Variants in ITPR2 observed in about 807,000 individuals in gnomAD.
The protein encoded by ITPR2 is inositol 1,4,5-trisphosphate-gated calcium channel ITPR2.
In ITPR2, 207 loss-of-function variants were observed where a neutral mutation model predicts 317.1. The observed-to-expected ratio is 0.65, with a 90% CI of 0.58 to 0.73. The LOEUF is 0.73. Ranked by LOEUF, ITPR2 falls within the 30% of genes least tolerant of loss-of-function variation. ITPR2 has a pLI of 0.00. For missense variants in ITPR2, 2,613 were observed against 3,284.0 expected (o/e 0.80, Z 4.99); for synonymous variants, 1,156 against 1,149.1 (o/e 1.01, Z -0.12).
chr12:26,744,642 T>G (rs1027800421), intron 2 of ITPR2, among the ~76,000 whole-genome samples: 1 of 152,248 alleles, frequency 6.6e-6, no homozygotes, highest in Non-Finnish European at 1.5e-5. Context: ...GTTATATTAA[T>G]TCCTGAATAT....
chr12:26,416,948 T>C (rs1288987469), intron 50 of ITPR2, among the ~76,000 whole-genome samples: 1 of 152,144 alleles, frequency 6.6e-6, no homozygotes, highest in Non-Finnish European at 1.5e-5. Flanking sequence ...AAAATGCATA[T>C]GCCTGGGTTC....
Position 26,436,191 on chromosome 12 carries a change from T to C in ITPR2, c.6769+30A>G, listed in dbSNP as rs757374368. ...ATAGTTAAGTGGGAACTTTAAAATA[T>C]TTATATTTTAAGGAAAAACGAGCAC... is the stretch of plus-strand genomic sequence containing the variant. On this transcript the variant is annotated intron_variant, in intron 48 of 56. Transcript: ENST00000381340. 2.0e-6 allele frequency: 3 copies of C among 1,508,518 alleles called. No homozygotes were observed. The African/African-American group carries it at 4.3e-5, about 21-fold the overall frequency. The allele number at this position is 1,508,518 out of a possible 1,614,324, so 93.4% of individuals were successfully genotyped here.
chr12:26,709,781 TCTACCTTA>T (rs1400406716), intron 9 of ITPR2, among the ~76,000 whole-genome samples: 2 of 152,224 alleles, frequency 1.3e-5, no homozygotes, highest in Non-Finnish European at 2.9e-5. Flanking sequence ...GACAAGATTC[TCTACCTTA>T]CTAATGATTT....
chr12:26,354,482 G>A (rs534057022), intron 55 of ITPR2, among the ~76,000 whole-genome samples: 4 of 152,108 alleles, frequency 2.6e-5, no homozygotes, highest in Admixed American at 1.3e-4. Context: ...GTCACAGAGC[G>A]TTACCTGCTG....
At chr12:26,683,649 C>T (rs943583753) in intron 11 of ITPR2, among the ~76,000 whole-genome samples, 3 of 152,156 alleles carry the variant, frequency 2.0e-5, no homozygotes, top group African/African-American at 7.2e-5. Flanking sequence ...CGACCAGAAG[C>T]TCACAGGAAC....
chr12:26,700,366 G>A (rs1054318657), intron 9 of ITPR2, among the ~76,000 whole-genome samples: 56 of 152,308 alleles, frequency 3.7e-4, no homozygotes, highest in African/African-American at 1.3e-3. Context: ...CTTCTTTAAA[G>A]AAGACCCACC....
At chr12:26,698,017 G>T (rs1193676271) in intron 9 of ITPR2, among the ~76,000 whole-genome samples, 2 of 152,020 alleles carry the variant, frequency 1.3e-5, no homozygotes, top group Non-Finnish European at 2.9e-5. Flanking sequence ...ATCCAGAAAT[G>T]ATAATTAGAA....
chr12:26,340,072 G>C, intron 56 of ITPR2, 95 bp downstream of exon 56: 1 of 1,232,536 alleles, frequency 8.1e-7, no homozygotes, highest in Non-Finnish European at 1.1e-6. Context: ...ATTCTCTGTG[G>C]ATAATGACCT....
At chr12:26,800,209 G>GA (rs1190690041) in intron 1 of ITPR2, among the ~76,000 whole-genome samples, 2 of 122,314 alleles carry the variant, frequency 1.6e-5, no homozygotes, top group African/African-American at 6.2e-5. Flanking sequence ...TTGTGATCAA[G>GA]AAAAAACTTT....
At chr12:26,728,576 T>C (rs1332537107) in intron 2 of ITPR2, among the ~76,000 whole-genome samples, 1 of 152,168 alleles carries the variant, frequency 6.6e-6, no homozygotes, top group African/African-American at 2.4e-5. Flanking sequence ...TTAAAAAGCT[T>C]TCATTGGTGG....
chr12:26,482,475 G>T (rs992334408), intron 42 of ITPR2, among the ~76,000 whole-genome samples: 1 of 152,174 alleles, frequency 6.6e-6, no homozygotes, highest in Non-Finnish European at 1.5e-5. Context: ...GAGACAAATG[G>T]TATAATTATT....
At chr12:26,445,885 T>C (rs1363207378) in intron 45 of ITPR2, among the ~76,000 whole-genome samples, 2 of 152,038 alleles carry the variant, frequency 1.3e-5, no homozygotes, top group Non-Finnish European at 1.5e-5. Flanking sequence ...AAATAGAACA[T>C]AGTGTTTGTT....
At chr12:26,639,453 C>T (rs1261052268) in intron 21 of ITPR2, among the ~76,000 whole-genome samples, 3 of 151,816 alleles carry the variant, frequency 2.0e-5, no homozygotes. Context: ...TATATGGTTC[C>T]TTTCTATGCC....
intron 2 of ITPR2, among the ~76,000 whole-genome samples, chr12:26,783,968 T>A (rs1232197661): frequency 2.0e-5 from 3 of 151,584 alleles, no homozygotes; most frequent in African/African-American, 7.3e-5. Flanking sequence ...CATGGATGGG[T>A]TCAGGAACAG....
chr12:26,656,838 T>C (rs1947380138), intron 18 of ITPR2, among the ~76,000 whole-genome samples: 1 of 152,192 alleles, frequency 6.6e-6, no homozygotes, highest in African/African-American at 2.4e-5. Context: ...TGACAAATAC[T>C]GCACTCAGGC....
chr12:26,776,042 G>A (rs1468637345), intron 2 of ITPR2, among the ~76,000 whole-genome samples: 3 of 150,998 alleles, frequency 2.0e-5, no homozygotes, highest in African/African-American at 7.3e-5. Context: ...AGAATATTAA[G>A]GATGGAGTTC....
At chr12:26,422,354 TTAAA>T (rs1940927472) in intron 49 of ITPR2, among the ~76,000 whole-genome samples, 3 of 151,118 alleles carry the variant, frequency 2.0e-5, no homozygotes, top group Admixed American at 6.6e-5. Context: ...AATTTATTAG[TTAAA>T]TAAGTTATTT....
chr12:26,801,830 T>G (rs1950560356), intron 1 of ITPR2, among the ~76,000 whole-genome samples: 1 of 152,040 alleles, frequency 6.6e-6, no homozygotes, highest in Non-Finnish European at 1.5e-5. Context: ...GGCCTCAGCA[T>G]TCTCATCTGC....
intron 1 of ITPR2, among the ~76,000 whole-genome samples, chr12:26,820,586 T>C (rs560498193): frequency 5.9e-5 from 9 of 152,266 alleles, no homozygotes; most frequent in Admixed American, 2.0e-4. Flanking sequence ...ATGCTAAACA[T>C]AGCATTACCA....
Sources: allele counts gnomAD v4.1 joint callset (sites outside exome capture counted in the v4.1 genomes callset), GRCh38; gene constraint gnomAD v4.1.1; transcripts MANE v1.5; gene names NCBI Gene and HGNC (gene_info 2026-07-23, HGNC 2026-07-21).